FAM136A: variants seen among roughly 807,000 people sequenced by gnomAD.
FAM136A encodes the protein TIM double twin CX3C motif protein.
FAM136A carries 25 observed loss-of-function variants against 21.6 expected under a neutral mutation model. That is an observed-to-expected ratio of 1.16 (90% confidence interval 0.84 to 1.62). FAM136A has a LOEUF of 1.62. FAM136A is among the 40% of genes most tolerant of loss of function. The pLI, the probability that FAM136A is intolerant of heterozygous loss-of-function variation, is 0.00. For synonymous variants in FAM136A, 119 were observed against 129.4 expected (o/e 0.92, Z 0.55); for missense variants, 338 against 332.0 (o/e 1.02, Z -0.14).
At chr2:70,300,782 C>T in intron 2 of FAM136A, 58 bp downstream of exon 2, 1 of 1,497,756 alleles carries the variant, frequency 6.7e-7, no homozygotes, top group Middle Eastern at 2.1e-4. Flanking sequence ...AAATGCTTGT[C>T]ATCTCCTGCA....
chr2:70,301,309 T>A, intron 1 of FAM136A: 4 of 1,367,204 alleles, frequency 2.9e-6, no homozygotes, highest in Non-Finnish European at 3.9e-6. Context: ...GCCTCTTCCA[T>A]GGGGTTCAGA....
rs532629136 is a variant in FAM136A, at chr2:70,301,935, C to T, written c.77G>A (p.Arg26Gln). The T allele has an allele frequency of 9.3e-6, 15 of 1,608,590 alleles. No homozygotes were observed. The South Asian group carries it at 1.6e-4, about 17-fold the overall frequency. ...MVKSLERENI[R>Q]KMQVAGLGPN... is the part of the protein sequence containing the mutation. ...CCCCAGCCCCGCTACCTGCATCTTC[C>T]GGATGTTCTCTCTTTCCAGACTCTT... is the stretch of plus-strand genomic sequence containing the variant. Residue 26 changes from arginine to glutamine, a missense_variant, in exon 1 of 3, where the codon CGG becomes CAG. Transcript: ENST00000430566.
At chr2:70,301,561 CT>C in intron 1 of FAM136A, 42 bp downstream of exon 1, 2 of 1,535,950 alleles carry the variant, frequency 1.3e-6, no homozygotes, top group Non-Finnish European at 1.7e-6. Context: ...CCTTTCTGGT[CT>C]TTCACGTTGG....
chr2:70,299,989 C>A (rs934802094), intron 2 of FAM136A, among the ~76,000 whole-genome samples: 4 of 151,984 alleles, frequency 2.6e-5, no homozygotes, highest in Non-Finnish European at 4.4e-5. Context: ...GCAACCTGCG[C>A]CTTCCAGTTT....
chr2:70,299,141 T>C (rs1045991699), intron 2 of FAM136A, among the ~76,000 whole-genome samples: 1 of 152,186 alleles, frequency 6.6e-6, no homozygotes, highest in Non-Finnish European at 1.5e-5. Context: ...GGCAGTAACT[T>C]TGAAGCGTTT....
In FAM136A at chr2:70,301,969, A is replaced by C; in HGVS notation, c.43T>G (p.Ser15Ala). Residue 15 changes from serine (S) to alanine (A), a missense_variant, in exon 1 of 3, where the codon TCC becomes GCC. Transcript: ENST00000430566. The part of the protein sequence containing the change: ...QQLRVQEAVE[S>A]MVKSLERENI... ...TCTCTTTCCAGACTCTTCACCATGG[A>C]CTCCACCGCCTCCTGCACCCGGAGC... is the stretch of plus-strand genomic sequence containing the variant. The C allele has an allele frequency of 2.5e-6, 4 of 1,607,136 alleles. No individual in the cohort carries two copies. Among genetic ancestry groups the C allele is most frequent in the Non-Finnish European group, 3.4e-6 (4 of 1,178,174 alleles).
intron 2 of FAM136A, 126 bp downstream of exon 2, chr2:70,300,714 G>T: frequency 3.5e-6 from 4 of 1,128,392 alleles, no homozygotes; most frequent in Non-Finnish European, 4.9e-6. Context: ...AAAACTGGTT[G>T]GCCATCAGTA....
chr2:70,301,022 G>A (rs1319865384), intron 1 of FAM136A, 42 bp from the exon 2 acceptor site: 5 of 1,584,974 alleles, frequency 3.2e-6, no homozygotes, highest in Non-Finnish European at 4.3e-6. Flanking sequence ...AAAGTCTCTG[G>A]GGACAGAGAT....
chr2:70,299,668 T>C (rs1697340490), intron 2 of FAM136A, among the ~76,000 whole-genome samples: 1 of 152,222 alleles, frequency 6.6e-6, no homozygotes, highest in Non-Finnish European at 1.5e-5. Flanking sequence ...TGACGTGATC[T>C]TGGCTCACTG....
chr2:70,297,106 A>G lies in FAM136A; in HGVS notation c.*183T>C. On this transcript the variant is annotated 3_prime_UTR_variant, in exon 3 of 3. Transcript: ENST00000430566. ...ACTCGATTTAGCACCACTTTTTTCC[A>G]TTTCATTTTTTAGGGACTGAAACAT... The G allele has an allele frequency of 1.6e-6, 1 of 611,590 alleles. No homozygotes were observed. Among genetic ancestry groups the G allele is most frequent in the Non-Finnish European group, 2.8e-6 (1 of 359,760 alleles). 37.9% of individuals were successfully genotyped at this position (611,590 alleles called of 1,614,324 possible).
intron 2 of FAM136A, among the ~76,000 whole-genome samples, chr2:70,298,257 T>C (rs113309908): frequency 0.063 from 9,548 of 152,112 alleles, 355 homozygotes; most frequent in East Asian, 0.18. Flanking sequence ...CATGCCTGGC[T>C]AACTTTTTTT....
Position 70,298,150 on chromosome 2 carries a change from T to C in FAM136A, c.550-673A>G, listed in dbSNP as rs762465333. Among the ~76,000 whole-genome samples, 8 of 151,846 alleles carry C rather than the reference T, an allele frequency of 5.3e-5. No individual in the cohort carries two copies. The South Asian group carries it at 1.5e-3, about 28-fold the overall frequency. ...TCTTGTTGCCTAAGCTGGAGTGCAA[T>C]GGCACAATCTCGGCTCACCACAACC... On this transcript the variant is annotated intron_variant, in intron 2 of 2. Coordinates refer to ENST00000430566, the MANE Select transcript of FAM136A (RefSeq NM_001329752.2).
At chr2:70,300,680 T>G in intron 2 of FAM136A, 160 bp downstream of exon 2, 1 of 827,042 alleles carries the variant, frequency 1.2e-6, no homozygotes, top group Non-Finnish European at 1.9e-6. Context: ...CGCCAAGACT[T>G]TTTCCAAAAT....
chr2:70,299,790 C>T (rs1191349868), intron 2 of FAM136A, among the ~76,000 whole-genome samples: 2 of 151,594 alleles, frequency 1.3e-5, no homozygotes, highest in Non-Finnish European at 2.9e-5. Flanking sequence ...TTAGTAGAGA[C>T]GGGGTTTCAC....
In FAM136A at chr2:70,302,027, C is replaced by T. The variant is rs751538596; in HGVS notation, c.-16G>A. On this transcript the variant is annotated 5_prime_UTR_variant, in exon 1 of 3. Transcript: ENST00000430566. ...GCTCAGCCATGGCGACCCCGCGCTG[C>T]CCCGCGGCGCTCCGCGCCGGCGCCC... is the stretch of plus-strand genomic sequence containing the variant. The T allele has an allele frequency of 7.7e-6, 12 of 1,567,198 alleles. No individual in the cohort carries two copies. In the South Asian group the frequency reaches 9.2e-5, roughly 12 times the overall value.
intron 2 of FAM136A, among the ~76,000 whole-genome samples, chr2:70,298,106 T>C (rs1163469006): frequency 6.6e-6 from 1 of 152,100 alleles, no homozygotes; most frequent in Non-Finnish European, 1.5e-5. Flanking sequence ...CTTTTTTTTT[T>C]TTTGAGACGG....
rs1263598347 is a variant in FAM136A at position 70,301,353 on chromosome 2, G to A, written c.408+251C>T. The A allele has an allele frequency of 7.4e-6, 11 of 1,480,904 alleles. No homozygotes were observed. In the Admixed American group the frequency reaches 1.3e-4, roughly 17 times the overall value. 91.7% of individuals were successfully genotyped at this position (1,480,904 alleles called of 1,614,324 possible). A position where few individuals can be genotyped will look rare whatever the true frequency, so the allele number is the denominator to read the frequency against. On this transcript the variant is annotated intron_variant, in intron 1 of 2. Transcript: ENST00000430566. ...ACCTAGCAATACAAATTCCACCAGA[G>A]GGCAGCCGACCCACTAATCAATGAC...
rs1697265442 is a variant in FAM136A at position 70,296,984 on chromosome 2, G to C, written c.*305C>G. ...TGTAGTAAGAAGAGTCTGGTACCTT[G>C]GAGGGCTCTGGCTTGTTACAGGGGA... On this transcript the variant is annotated 3_prime_UTR_variant, in exon 3 of 3. Coordinates refer to ENST00000430566, the MANE Select transcript of FAM136A (RefSeq NM_001329752.2). 1 of 261,724 alleles carries C rather than the reference G, an allele frequency of 3.8e-6. No individual in the cohort carries two copies. Among genetic ancestry groups the C allele is most frequent in the African/African-American group, 2.2e-5 (1 of 45,640 alleles). 16.2% of individuals were successfully genotyped at this position (261,724 alleles called of 1,614,324 possible).
Position 70,300,964 on chromosome 2 carries a change from C to G in FAM136A, c.425G>C (p.Cys142Ser). The G allele has an allele frequency of 6.2e-7, 1 of 1,611,972 alleles. No homozygotes were observed. The highest frequency in any genetic ancestry group is 1.3e-5 in the African/African-American group (1 of 74,998). The change falls in exon 2 of 3, where the codon TGC becomes TCC. Residue 142 changes from cysteine to serine, a missense_variant. By Grantham distance (112) the Cys-to-Ser change is moderately radical (BLOSUM62 -1). Transcript: ENST00000430566. ...GCTGTCCTCACAACAGCTGGCGCTG[C>G]ACCGGAACATGAGACCCTGGGGAGA... ...RPLPQGLMFR[C>S]SASCCEDSQA...
Sources: allele counts gnomAD v4.1 joint callset (sites outside exome capture counted in the v4.1 genomes callset), GRCh38; gene constraint gnomAD v4.1.1; transcripts MANE v1.5; gene names NCBI Gene and HGNC (gene_info 2026-07-23, HGNC 2026-07-21).